AFP: variants seen among roughly 807,000 people sequenced by gnomAD.
The protein encoded by AFP is alpha-fetoprotein.
In AFP, 64 loss-of-function variants were observed where a neutral mutation model predicts 78.9. That is an observed-to-expected ratio of 0.81 (90% CI 0.66 to 1.00). The LOEUF (loss-of-function observed/expected upper bound fraction) is 1.00. Ranked by LOEUF, AFP falls within the 50% of genes least tolerant of loss-of-function variation. The pLI is 0.00. For missense variants in AFP, 689 were observed against 703.8 expected (o/e 0.98, Z 0.24); for synonymous variants, 254 against 243.8 (o/e 1.04, Z -0.39).
intron 13 of AFP, among the ~76,000 whole-genome samples, chr4:73,454,281 T>C (rs1720097772): frequency 6.6e-6 from 1 of 152,174 alleles, no homozygotes; most frequent in South Asian, 2.1e-4. Flanking sequence ...GGAGTCTATT[T>C]GTAGAAAATG....
chr4:73,440,609 C>T lies in AFP; in HGVS notation c.278C>T (p.Ala93Val). Residue 93 changes from alanine to valine, a missense_variant, in exon 4 of 15, where the codon GCC (alanine) becomes GTC (valine). Coordinates refer to ENST00000395792, the MANE Select transcript of AFP (RefSeq NM_001134.3). The stretch of plus-strand genomic sequence containing the variant: ...ATAAAATATTTCTTATAGCTACCTG[C>T]CTTTCTGGAAGAACTTTGCCATGAG... ...SSGCLENQLP[A>V]FLEELCHEKE... is the part of the protein sequence containing the mutation. The T allele has an allele frequency of 1.2e-6, 2 of 1,613,396 alleles. No individual in the cohort carries two copies. The highest frequency in any genetic ancestry group is 1.7e-6 in the Non-Finnish European group (2 of 1,179,342).
At chr4:73,453,704 T>A in intron 12 of AFP, 61 bp from the exon 13 acceptor site, 2 of 1,587,856 alleles carry the variant, frequency 1.3e-6, no homozygotes, top group Non-Finnish European at 1.7e-6. Flanking sequence ...CTAGGAAGGC[T>A]GTAGAAAAAT....
At chr4:73,447,862 T>G (rs1283061072) in intron 8 of AFP, among the ~76,000 whole-genome samples, 186 bp downstream of exon 8, 1 of 152,126 alleles carries the variant, frequency 6.6e-6, no homozygotes, top group Non-Finnish European at 1.5e-5. Flanking sequence ...TGGGATTTGG[T>G]GTTTAACGGT....
At chr4:73,443,530 G>T (rs1045986830) in intron 6 of AFP, 86 bp downstream of exon 6, 1 of 1,032,126 alleles carries the variant, frequency 9.7e-7, no homozygotes, top group African/African-American at 1.6e-5. Context: ...AATTGTTGCT[G>T]TTTTAGAGAA....
rs73827494 is a variant in AFP, at chr4:73,439,473, T to A, written c.271-1129T>A. Among the ~76,000 whole-genome samples the A allele has an allele frequency of 5.5e-3, 844 of 152,344 alleles. 10 individuals are homozygous for A. The highest frequency in any genetic ancestry group is 0.019 in the African/African-American group (798 of 41,580). ...AAAAAAACAAGAATACATTATCTAT[T>A]GCAACTTTACAACCAATTAGAGGTT... On this transcript the variant is annotated intron_variant, in intron 3 of 14. Coordinates refer to ENST00000395792, the MANE Select transcript of AFP (RefSeq NM_001134.3).
Position 73,450,513 on chromosome 4 carries a change from C to T in AFP, c.1290-102C>T, listed in dbSNP as rs1275941854. ...GTAGATGAAACAAACGAGCTGACCTCATGTCTTCTGGCATGAGAGTAGAGA... is the reference window on the plus strand; with the variant it reads ...GTAGATGAAACAAACGAGCTGACCTTATGTCTTCTGGCATGAGAGTAGAGA... On this transcript the variant is annotated intron_variant, in intron 10 of 14. Transcript: ENST00000395792. The T allele has an allele frequency of 1.9e-6, 3 of 1,553,428 alleles. No homozygotes were observed. In the East Asian group the frequency reaches 6.7e-5, roughly 35 times the overall value.
intron 7 of AFP, among the ~76,000 whole-genome samples, 179 bp from the exon 8 acceptor site, chr4:73,447,283 T>A (rs1302255941): frequency 6.6e-6 from 1 of 151,760 alleles, no homozygotes; most frequent in Non-Finnish European, 1.5e-5. Context: ...CTTCTTTCCT[T>A]CCTCCTTCCT....
At chr4:73,436,530 T>C (rs1577949952) in intron 1 of AFP, among the ~76,000 whole-genome samples, 183 bp downstream of exon 1, 1 of 151,832 alleles carries the variant, frequency 6.6e-6, no homozygotes, top group Non-Finnish European at 1.5e-5. Flanking sequence ...GTTTACAAAG[T>C]TATAGCAGTG....
intron 12 of AFP, 112 bp downstream of exon 12, chr4:73,452,736 C>A (rs1720041607): frequency 1.2e-6 from 1 of 855,784 alleles, no homozygotes; most frequent in African/African-American, 1.7e-5. Flanking sequence ...GCGTTACTCC[C>A]AAAACACTTA....
At chr4:73,452,648 A>G (rs748380549) in intron 12 of AFP, 24 bp downstream of exon 12, 53 of 1,563,734 alleles carry the variant, frequency 3.4e-5, no homozygotes, top group Middle Eastern at 2.0e-4. Flanking sequence ...ACTTGCTAGC[A>G]TGGAAAAGAA....
rs749073240 is a variant in AFP, at chr4:73,447,645, T to C, written c.1027T>C (p.Ser343Pro). 3 of 1,611,442 alleles carry C rather than the reference T, an allele frequency of 1.9e-6. No individual in the cohort carries two copies. The highest frequency in any genetic ancestry group is 2.5e-6 in the Non-Finnish European group (3 of 1,179,422). ...AGGAGATAGAGATTTTAACCAATTT[T>C]CTTCAGGGGAAAAAAATATCTTCTT... ...FLGDRDFNQF[S>P]SGEKNIFLAS... is the part of the protein sequence containing the mutation. The change falls in exon 8 of 15, where the codon TCT becomes CCT. Residue 343 changes from serine to proline, a missense_variant. Physicochemically the swap from Ser to Pro is moderately conservative, Grantham distance 74. Transcript: ENST00000395792.
intron 6 of AFP, 80 bp from the exon 7 acceptor site, chr4:73,444,913 C>T (rs1719772870): frequency 8.2e-7 from 1 of 1,218,604 alleles, no homozygotes; most frequent in Non-Finnish European, 1.1e-6. Flanking sequence ...GAAACTTCTA[C>T]TGTAGTAATA....
chr4:73,452,713 G>A, intron 12 of AFP, 89 bp downstream of exon 12: 3 of 1,058,790 alleles, frequency 2.8e-6, no homozygotes, highest in South Asian at 2.7e-5. Context: ...ACACTATTGG[G>A]CTCACTAACA....
At chr4:73,451,071 T>C (rs1220734939) in intron 11 of AFP, among the ~76,000 whole-genome samples, 1 of 152,258 alleles carries the variant, frequency 6.6e-6, no homozygotes, top group Non-Finnish European at 1.5e-5. Context: ...ATTCATAACT[T>C]CAAATCATAA....
At chr4:73,455,152 T>G (rs1720118998) in intron 13 of AFP, 84 bp from the exon 14 acceptor site, 1 of 1,093,304 alleles carries the variant, frequency 9.1e-7, no homozygotes, top group Non-Finnish European at 1.4e-6. Flanking sequence ...ACCTATGAAT[T>G]CACCCCGGAT....
chr4:73,453,766 T>C lies in AFP; in HGVS notation c.1654T>C (p.Phe552Leu). 6.2e-7 allele frequency: 1 copy of C among 1,613,474 alleles called. No individual in the cohort carries two copies. The highest frequency in any genetic ancestry group is 8.5e-7 in the Non-Finnish European group (1 of 1,179,536). Residue 552 changes from phenylalanine (F) to leucine (L), a missense_variant and splice_region_variant, in exon 13 of 15, where the codon TTT (phenylalanine) becomes CTT (leucine). By Grantham distance (22) the Phe-to-Leu change is conservative (BLOSUM62 0). Transcript: ENST00000395792. Reference protein sequence around the residue: ...GVALQTMKQEFLINLVKQKPQ... With the variant: ...GVALQTMKQELLINLVKQKPQ... ...ATTTTGTTTTGTTTTAAATCACAGG[T>C]TTCTCATTAACCTTGTGAAGCAAAA... is the stretch of plus-strand genomic sequence containing the variant.
rs144053883 is a variant in AFP, at chr4:73,437,132, G to A, written c.86-28G>A. 625 of 1,579,068 alleles carry A rather than the reference G, an allele frequency of 4.0e-4. No individual in the cohort carries two copies. The African/African-American group carries it at 5.7e-3, about 14-fold the overall frequency. Reference sequence around the variant, plus strand: ...CTTTCTTGGTTGCAGTTGAAAACACGTTTCATGAAGTTTATTTTGCTTTCC... The same window carrying A: ...CTTTCTTGGTTGCAGTTGAAAACACATTTCATGAAGTTTATTTTGCTTTCC... On this transcript the variant is annotated intron_variant, in intron 1 of 14. Coordinates refer to ENST00000395792, the MANE Select transcript of AFP (RefSeq NM_001134.3).
At chr4:73,442,462 T>G (rs891396526) in intron 5 of AFP, 34 bp downstream of exon 5, 1 of 1,611,614 alleles carries the variant, frequency 6.2e-7, no homozygotes, top group Admixed American at 1.7e-5. Context: ...GAACCAGTAC[T>G]GTAGTCTATG....
In AFP at chr4:73,445,046, A is replaced by G; in HGVS notation, c.767A>G (p.Gln256Arg). The change falls in exon 7 of 15, where the codon CAG (glutamine) becomes CGG (arginine). Residue 256 changes from glutamine (Q) to arginine (R), a missense_variant. Gln to Arg is a conservative substitution (Grantham distance 43, BLOSUM62 1). Transcript: ENST00000395792. ...KFTKVNFTEIQKLVLDVAHVH... is the reference protein window; with the variant it reads ...KFTKVNFTEIRKLVLDVAHVH... ...ACCAAAGTTAATTTTACTGAAATCC[A>G]GAAACTAGTCCTGGATGTGGCCCAT... 6.2e-7 allele frequency: 1 copy of G among 1,613,940 alleles called. No individual in the cohort carries two copies. The highest frequency in any genetic ancestry group is 8.5e-7 in the Non-Finnish European group (1 of 1,179,840).
Sources: allele counts gnomAD v4.1 joint callset (sites outside exome capture counted in the v4.1 genomes callset), GRCh38; gene constraint gnomAD v4.1.1; transcripts MANE v1.5; gene names NCBI Gene and HGNC (gene_info 2026-07-23, HGNC 2026-07-21).